XRN1: variants seen among roughly 807,000 people sequenced by gnomAD.
The protein encoded by XRN1 is 5'-3' exoribonuclease 1, also known as strand-exchange protein 1 homolog.
Under a neutral mutation model 222.3 loss-of-function variants are expected in XRN1, and 67 were observed. The observed-to-expected ratio is 0.30, with a 90% CI of 0.25 to 0.37. The LOEUF (loss-of-function observed/expected upper bound fraction) is 0.37, where lower values mean the gene tolerates loss of function less well. XRN1 is among the 10% of genes least tolerant of loss of function. XRN1 has a pLI of 1.00. For synonymous variants in XRN1, 643 were observed against 652.4 expected, an observed-to-expected ratio of 0.99 and a Z score of 0.22; for missense variants, 1,707 against 2,000.2, an observed-to-expected ratio of 0.85 and a Z score of 2.80.
At chr3:142,365,510 CAAG>C (rs1332388675) in intron 27 of XRN1, 144 bp from the exon 28 acceptor site, 7 of 553,338 alleles carry the variant, frequency 1.3e-5, no homozygotes, top group Non-Finnish European at 2.0e-5. Context: ...GCAGCTGCAG[CAAG>C]AAGAAATAAA....
chr3:142,445,646 T>C (rs1404846020), intron 1 of XRN1, among the ~76,000 whole-genome samples: 1 of 152,230 alleles, frequency 6.6e-6, no homozygotes, highest in African/African-American at 2.4e-5. Flanking sequence ...CTTCTCTTCT[T>C]GTCTCTATTG....
chr3:142,380,713 G>A (rs1320321531), intron 22 of XRN1, among the ~76,000 whole-genome samples: 1 of 151,936 alleles, frequency 6.6e-6, no homozygotes, highest in Non-Finnish European at 1.5e-5. Flanking sequence ...GAGTGTAGTG[G>A]CACTATCATG....
intron 12 of XRN1, chr3:142,417,947 T>A (rs1192880871): frequency 1.3e-5 from 2 of 152,354 alleles, no homozygotes; most frequent in African/African-American, 4.8e-5. Context: ...ATTTTTATCA[T>A]CTTATAGCCA....
At chr3:142,446,253 T>C (rs1577472548) in intron 1 of XRN1, among the ~76,000 whole-genome samples, 2 of 152,240 alleles carry the variant, frequency 1.3e-5, no homozygotes, top group African/African-American at 4.8e-5. Flanking sequence ...CTGTGACTTA[T>C]TTAGGCATTA....
At chr3:142,441,550 T>C (rs2070215476) in intron 1 of XRN1, among the ~76,000 whole-genome samples, 1 of 152,184 alleles carries the variant, frequency 6.6e-6, no homozygotes, top group South Asian at 2.1e-4. Flanking sequence ...GTTGGCTTCA[T>C]TGTTTATAGG....
intron 37 of XRN1, among the ~76,000 whole-genome samples, chr3:142,323,751 G>A (rs938716395): frequency 2.6e-5 from 4 of 152,118 alleles, no homozygotes; most frequent in African/African-American, 9.6e-5. Flanking sequence ...GCCAAGGTGG[G>A]AGGACTGCTT....
At chr3:142,313,605 G>A (rs2065132324) in intron 39 of XRN1, among the ~76,000 whole-genome samples, 1 of 152,148 alleles carries the variant, frequency 6.6e-6, no homozygotes, top group Admixed American at 6.5e-5. Flanking sequence ...AAACAGTATA[G>A]CTTAATTAAA....
At chr3:142,369,654 TA>T (rs761560470) in intron 27 of XRN1, among the ~76,000 whole-genome samples, 456 of 120,314 alleles carry the variant, frequency 3.8e-3, no homozygotes, top group African/African-American at 4.9e-3. Context: ...TCTCCAAAAT[TA>T]AAAAAAAAAA....
chr3:142,370,558 C>T lies in XRN1; in HGVS notation c.3131G>A (p.Arg1044His), dbSNP rs138044873. 21 of 1,607,124 alleles carry T rather than the reference C, an allele frequency of 1.3e-5. No homozygotes were observed. In the African/African-American group the frequency reaches 1.6e-4, roughly 12 times the overall value. The change falls in exon 27 of 41, where the codon CGT becomes CAT. Residue 1044 changes from arginine to histidine, a missense_variant. Transcript: ENST00000392981. The stretch of plus-strand genomic sequence containing the variant: ...CAGAATTTGTAAATCACAAGAAGAA[C>T]GAGATAAAGTACTGACAGGATGTCC... ...LKGHPVSTLS[R>H]SSCDLQILDA...
At chr3:142,366,206 TA>T (rs1352220521) in intron 27 of XRN1, among the ~76,000 whole-genome samples, 3 of 152,172 alleles carry the variant, frequency 2.0e-5, no homozygotes, top group African/African-American at 4.8e-5. Flanking sequence ...CTATTCATAC[TA>T]AAAAAATTTA....
intron 19 of XRN1, among the ~76,000 whole-genome samples, chr3:142,399,016 G>GA (rs963221344): frequency 4.6e-5 from 7 of 151,700 alleles, no homozygotes; most frequent in African/African-American, 1.7e-4. Context: ...TCAGTATGAT[G>GA]AAAAAAACCA....
Position 142,357,088 on chromosome 3 carries a change from T to C in XRN1, c.3496A>G (p.Thr1166Ala), listed in dbSNP as rs753132116. Reference protein sequence around the residue: ...CSPGRGYRLPTSALVNLSHGS... With the variant: ...CSPGRGYRLPASALVNLSHGS... ...TGAGAAAGGTTCACCAAGGCACTTG[T>C]TGGCAGTCGATAACCTCTACCAGGT... The change falls in exon 31 of 41, where the codon ACA (threonine) becomes GCA (alanine). Residue 1166 changes from threonine to alanine, a missense_variant. By Grantham distance (58) the Thr-to-Ala change is moderately conservative. Transcript: ENST00000392981. The C allele has an allele frequency of 1.3e-5, 21 of 1,613,268 alleles. No individual in the cohort carries two copies. The East Asian group carries it at 1.3e-4, about 10-fold the overall frequency.
At position 142,405,045 on chromosome 3, in the gene XRN1, T is replaced by C. The variant is rs767904338; in HGVS notation, c.1745A>G (p.Asn582Ser). The C allele has an allele frequency of 1.2e-5, 20 of 1,613,878 alleles. No individual in the cohort carries two copies. Among genetic ancestry groups the C allele is most frequent in the Non-Finnish European group, 1.6e-5 (19 of 1,179,908 alleles). Residue 582 changes from asparagine (N) to serine (S), a missense_variant, in exon 16 of 41, where the codon AAC (asparagine) becomes AGC (serine). Physicochemically the swap from Asn to Ser is conservative, Grantham distance 46. Around this residue, in one of 2 missense-constraint regions of XRN1, gnomAD observed 1,234 missense variants for 1,518.2 expected, o/e 0.81. Coordinates refer to ENST00000392981, the MANE Select transcript of XRN1 (RefSeq NM_001282857.2). ...KRLLEAMETC[N>S]HSLKKEERKR... ...CCTCTCTTCCTTTTTGAGGGAGTGGTTACATGTCTCCATGGCTTCCAATAA... is the reference window on the plus strand; with the variant it reads ...CCTCTCTTCCTTTTTGAGGGAGTGGCTACATGTCTCCATGGCTTCCAATAA...
chr3:142,361,963 CTTTTTT>C (rs71153961), intron 29 of XRN1, among the ~76,000 whole-genome samples: 4 of 51,680 alleles, frequency 7.7e-5, no homozygotes, highest in African/African-American at 2.7e-4. Flanking sequence ...CTTTTTCTCT[CTTTTTT>C]TTTTTTTTTT....
At chr3:142,357,763 G>C (rs2066502690) in intron 30 of XRN1, among the ~76,000 whole-genome samples, 1 of 151,546 alleles carries the variant, frequency 6.6e-6, no homozygotes, top group Admixed American at 6.6e-5. Context: ...GGGCATGGTG[G>C]TTCATGCCTG....
intron 33 of XRN1, among the ~76,000 whole-genome samples, chr3:142,343,221 C>T (rs762108370): frequency 7.9e-5 from 12 of 151,808 alleles, no homozygotes; most frequent in East Asian, 1.9e-4. Context: ...TTTGGGAGGC[C>T]GAGGCATGTG....
rs2068257805 is a variant in XRN1 at position 142,404,257 on chromosome 3, G to C, written c.1884-268C>G. ...ATATATAAATTTTAAGATAAAATAT[G>C]ACACATAACACAAATCTCTATATCC... On this transcript the variant is annotated intron_variant, in intron 16 of 40. Transcript: ENST00000392981. Among the ~76,000 whole-genome samples, 3 of 152,094 alleles carry C rather than the reference G, an allele frequency of 2.0e-5. No individual in the cohort carries two copies. In the South Asian group the frequency reaches 6.2e-4, roughly 31 times the overall value.
intron 36 of XRN1, among the ~76,000 whole-genome samples, chr3:142,330,429 CACTAAT>C (rs1560294158): frequency 6.6e-6 from 1 of 151,988 alleles, no homozygotes; most frequent in East Asian, 1.9e-4. Context: ...TTAACAAACT[CACTAAT>C]AGAACAAAAG....
chr3:142,400,400 A>C, intron 19 of XRN1, 44 bp downstream of exon 19: 2 of 1,483,072 alleles, frequency 1.3e-6, no homozygotes, highest in Non-Finnish European at 1.8e-6. Context: ...CAAAGTCACA[A>C]AGCAAATATA....
Sources: gnomAD v4.1 joint callset for allele counts (sites outside exome capture counted in the v4.1 genomes callset) on GRCh38, gnomAD v4.1.1 for gene constraint, gnomAD v4.1.1 regional missense constraint, MANE v1.5 for transcripts, NCBI Gene and HGNC (gene_info 2026-07-23, HGNC 2026-07-21) for gene names.